The following ANKMY2 variants were observed in gnomAD, a reference collection of about 807,000 sequenced individuals.
ANKMY2 encodes ankyrin repeat and MYND domain containing 2, also known as ankyrin repeat and MYND domain-containing protein 2.
ANKMY2 carries 36 observed loss-of-function variants against 50.4 expected under a neutral mutation model. The observed-to-expected ratio is 0.71, with a 90% CI of 0.55 to 0.94. The LOEUF (loss-of-function observed/expected upper bound fraction) is 0.94, where lower values mean the gene tolerates loss of function less well. Ranked by LOEUF, ANKMY2 falls within the 40% of genes least tolerant of loss-of-function variation. ANKMY2 has a pLI of 0.00. For missense variants in ANKMY2, 565 were observed against 524.0 expected (o/e 1.08, Z -0.76); for synonymous variants, 187 against 178.8 (o/e 1.05, Z -0.36).
At chr7:16,601,332 A>G (rs990821590) in intron 9 of ANKMY2, among the ~76,000 whole-genome samples, 10 of 152,248 alleles carry the variant, frequency 6.6e-5, no homozygotes, top group Admixed American at 2.0e-4. Context: ...CAGGTAATAA[A>G]GGCTATCCTA....
At chr7:16,633,039 G>C (rs985255483) in intron 2 of ANKMY2, among the ~76,000 whole-genome samples, 1 of 152,066 alleles carries the variant, frequency 6.6e-6, no homozygotes, top group Non-Finnish European at 1.5e-5. Context: ...TTGATCACTT[G>C]TATATCTTCT....
intron 1 of ANKMY2, among the ~76,000 whole-genome samples, chr7:16,642,281 G>C (rs896809798): frequency 6.6e-5 from 10 of 152,102 alleles, no homozygotes; most frequent in African/African-American, 2.4e-4. Flanking sequence ...TAATGAAAAA[G>C]GTATCAAAGC....
chr7:16,610,250 G>C (rs1781225175), intron 6 of ANKMY2, among the ~76,000 whole-genome samples: 1 of 152,062 alleles, frequency 6.6e-6, no homozygotes. Context: ...TCTCAAATTT[G>C]GACTTGGGCC....
chr7:16,607,984 C>T (rs949122072), intron 7 of ANKMY2, among the ~76,000 whole-genome samples: 2 of 152,150 alleles, frequency 1.3e-5, no homozygotes, highest in Non-Finnish European at 2.9e-5. Context: ...GACCCCTTTG[C>T]TCTTCCTGCC....
intron 4 of ANKMY2, among the ~76,000 whole-genome samples, chr7:16,617,182 C>T (rs147283764): frequency 2.3e-4 from 35 of 152,214 alleles, no homozygotes; most frequent in African/African-American, 5.8e-4. Flanking sequence ...TTTCTTCATA[C>T]ACATTTCTAA....
chr7:16,644,808 C>A, intron 1 of ANKMY2: 1 of 453,656 alleles, frequency 2.2e-6, no homozygotes, highest in Non-Finnish European at 4.5e-6. Context: ...GGAAGTGGGG[C>A]ACGCCTTGGG....
chr7:16,603,880 A>G (rs182152543), intron 8 of ANKMY2, among the ~76,000 whole-genome samples: 11 of 152,362 alleles, frequency 7.2e-5, no homozygotes, highest in Admixed American at 5.2e-4. Context: ...AGCTGAGAAC[A>G]GCCAACCACA....
At chr7:16,620,318 C>T (rs1781414008) in intron 4 of ANKMY2, among the ~76,000 whole-genome samples, 1 of 152,146 alleles carries the variant, frequency 6.6e-6, no homozygotes, top group African/African-American at 2.4e-5. Context: ...GTCAATGACA[C>T]TCTCATTACA....
At chr7:16,643,834 C>A (rs1173626765) in intron 1 of ANKMY2, among the ~76,000 whole-genome samples, 1 of 136,022 alleles carries the variant, frequency 7.4e-6, no homozygotes, top group South Asian at 2.4e-4. Context: ...GCCTGGGCAA[C>A]ATAGGGAGAC....
chr7:16,642,217 C>T (rs754230044), intron 1 of ANKMY2, among the ~76,000 whole-genome samples: 4 of 152,026 alleles, frequency 2.6e-5, no homozygotes, highest in Middle Eastern at 3.4e-3. Flanking sequence ...AATTATCTAG[C>T]TCATAGCCTT....
At chr7:16,632,111 C>A (rs527628984) in intron 2 of ANKMY2, among the ~76,000 whole-genome samples, 70 of 141,174 alleles carry the variant, frequency 5.0e-4, no homozygotes, top group South Asian at 1.3e-3. Context: ...CTTCCTCTCT[C>A]CCTCCCTTTC....
At chr7:16,618,174 C>T (rs187772802) in intron 4 of ANKMY2, among the ~76,000 whole-genome samples, 2 of 152,050 alleles carry the variant, frequency 1.3e-5, no homozygotes, top group African/African-American at 4.8e-5. Context: ...GATCTGCCTG[C>T]CTTAGCCTCC....
At chr7:16,642,912 G>A (rs818325) in intron 1 of ANKMY2, among the ~76,000 whole-genome samples, 115,995 of 152,016 alleles carry the variant, frequency 0.76, 44,347 homozygotes, top group Admixed American at 0.81. Context: ...TTTGTTTTTA[G>A]GTACAGCCTG....
intron 4 of ANKMY2, among the ~76,000 whole-genome samples, chr7:16,618,574 T>TG (rs1326971170): frequency 6.6e-6 from 1 of 152,166 alleles, no homozygotes; most frequent in African/African-American, 2.4e-5. Context: ...TCTTTCTTTT[T>TG]GGGGGGATTC....
At chr7:16,626,891 T>C (rs192037922) in intron 3 of ANKMY2, 149 bp downstream of exon 3, 8 of 560,420 alleles carry the variant, frequency 1.4e-5, no homozygotes, top group East Asian at 1.0e-4. Flanking sequence ...TCCTGCATTA[T>C]AGCTTTTCAA....
intron 1 of ANKMY2, among the ~76,000 whole-genome samples, chr7:16,639,811 C>T (rs1781721622): frequency 6.6e-6 from 1 of 152,030 alleles, no homozygotes; most frequent in Non-Finnish European, 1.5e-5. Context: ...AGTGTTACTG[C>T]TCTCTCTTCT....
intron 5 of ANKMY2, among the ~76,000 whole-genome samples, chr7:16,614,315 G>A (rs1045913646): frequency 6.6e-6 from 1 of 152,200 alleles, no homozygotes; most frequent in African/African-American, 2.4e-5. Context: ...CTAGAAACAT[G>A]AGTATGCAGT....
intron 3 of ANKMY2, among the ~76,000 whole-genome samples, chr7:16,625,753 G>A (rs1178269968): frequency 6.6e-6 from 1 of 152,092 alleles, no homozygotes; most frequent in African/African-American, 2.4e-5. Flanking sequence ...AGGTTGGACT[G>A]ACATGCACTC....
At chr7:16,602,572 G>A in intron 8 of ANKMY2, 63 bp from the exon 9 acceptor site, 5 of 1,549,712 alleles carry the variant, frequency 3.2e-6, no homozygotes, top group Non-Finnish European at 4.4e-6. Flanking sequence ...TCCTAACTAT[G>A]ACTAAACCAA....
Sources: allele counts gnomAD v4.1 joint callset (sites outside exome capture counted in the v4.1 genomes callset), GRCh38; gene constraint gnomAD v4.1.1; transcripts MANE v1.5; gene names NCBI Gene and HGNC (gene_info 2026-07-23, HGNC 2026-07-21).